Variants in NAV2 observed in about 807,000 individuals in gnomAD.
NAV2 encodes helicase, APC down-regulated 1.
Under a neutral mutation model 223.2 loss-of-function variants are expected in NAV2, and 54 were observed. The observed-to-expected ratio is 0.24, with a 90% CI of 0.19 to 0.30. NAV2 has a LOEUF of 0.30. Ranked by LOEUF, NAV2 falls within the 10% of genes least tolerant of loss-of-function variation. NAV2 has a pLI of 1.00. For synonymous variants in NAV2, 1,279 were observed against 1,239.3 expected (o/e 1.03, Z -0.67); for missense variants, 2,806 against 3,147.5 (o/e 0.89, Z 2.60).
chr11:19,931,387 C>T (rs968227698), intron 6 of NAV2, among the ~76,000 whole-genome samples: 14 of 152,164 alleles, frequency 9.2e-5, no homozygotes, highest in African/African-American at 2.9e-4. Context: ...GGGAGGTCTG[C>T]TTTGGATCAC....
At chr11:19,594,422 C>T (rs536354583) in intron 1 of NAV2, among the ~76,000 whole-genome samples, 96 of 149,572 alleles carry the variant, frequency 6.4e-4, no homozygotes, top group African/African-American at 2.2e-3. Flanking sequence ...GTTTCTACTT[C>T]GGGGACTTTT....
chr11:20,016,160 T>C (rs1048658806), intron 11 of NAV2, among the ~76,000 whole-genome samples: 12 of 152,246 alleles, frequency 7.9e-5, no homozygotes, highest in Admixed American at 1.3e-4. Context: ...CGACCTCTTA[T>C]GTCCTTTACT....
intron 1 of NAV2, among the ~76,000 whole-genome samples, chr11:19,678,572 A>T (rs184624114): frequency 2.2e-3 from 342 of 152,344 alleles, no homozygotes; most frequent in Middle Eastern, 3.4e-3. Flanking sequence ...ATGGGAGAGC[A>T]AGAAACATCA....
intron 1 of NAV2, among the ~76,000 whole-genome samples, chr11:19,643,950 G>A (rs997800959): frequency 5.9e-5 from 9 of 152,206 alleles, no homozygotes; most frequent in Non-Finnish European, 1.0e-4. Context: ...ATTTGAGCAC[G>A]TACATACCAG....
chr11:19,992,944 T>C (rs2051486092), intron 11 of NAV2, among the ~76,000 whole-genome samples: 1 of 152,164 alleles, frequency 6.6e-6, no homozygotes, highest in Admixed American at 6.5e-5. Flanking sequence ...TTAAAGGTGA[T>C]TGTTTAAACT....
chr11:19,860,293 A>C (rs1278637817), intron 3 of NAV2, among the ~76,000 whole-genome samples: 122 of 128,278 alleles, frequency 9.5e-4, no homozygotes, highest in African/African-American at 3.5e-3. Flanking sequence ...TGCCGGGCGG[A>C]GGGGCTCCTC....
At chr11:19,520,140 T>C (rs994637731) in intron 1 of NAV2, among the ~76,000 whole-genome samples, 1 of 152,078 alleles carries the variant, frequency 6.6e-6, no homozygotes, top group African/African-American at 2.4e-5. Flanking sequence ...AGCTCCACTC[T>C]CCTCCACGCT....
intron 1 of NAV2, among the ~76,000 whole-genome samples, chr11:19,620,888 G>T (rs1406557954): frequency 6.6e-6 from 1 of 152,144 alleles, no homozygotes; most frequent in Non-Finnish European, 1.5e-5. Flanking sequence ...TGTGATATTG[G>T]CTGTGGGTTT....
At chr11:19,997,982 A>T (rs777277734) in intron 11 of NAV2, among the ~76,000 whole-genome samples, 1 of 152,082 alleles carries the variant, frequency 6.6e-6, no homozygotes, top group South Asian at 2.1e-4. Context: ...GTAGCCCTTA[A>T]CATGCCTTTG....
chr11:19,976,456 G>A (rs1285543711), intron 10 of NAV2, among the ~76,000 whole-genome samples: 2 of 152,162 alleles, frequency 1.3e-5, no homozygotes, highest in Admixed American at 1.3e-4. Flanking sequence ...AGTTTTCCCT[G>A]GCGAGGCTGG....
intron 6 of NAV2, among the ~76,000 whole-genome samples, chr11:19,915,275 T>C (rs192861879): frequency 6.1e-4 from 93 of 152,374 alleles, no homozygotes; most frequent in Non-Finnish European, 1.1e-3. Context: ...TCAGAAGTTA[T>C]CTCATTTTCG....
chr11:20,046,785 G>C (rs1222807844), intron 14 of NAV2, among the ~76,000 whole-genome samples: 3 of 152,108 alleles, frequency 2.0e-5, no homozygotes, highest in East Asian at 3.8e-4. Context: ...GCTTTTGCCT[G>C]TTCGTATTAT....
intron 11 of NAV2, among the ~76,000 whole-genome samples, chr11:20,005,957 G>C (rs2053030123): frequency 6.6e-6 from 1 of 152,178 alleles, no homozygotes; most frequent in African/African-American, 2.4e-5. Flanking sequence ...TCATTTTAAA[G>C]ATGAGGGAAC....
chr11:19,814,901 C>A (rs1380804352), intron 1 of NAV2, among the ~76,000 whole-genome samples: 10 of 152,194 alleles, frequency 6.6e-5, no homozygotes, highest in Non-Finnish European at 1.3e-4. Context: ...ACCTATCTAA[C>A]CCAACTTCCT....
chr11:19,492,119 G>C (rs1272863485), intron 1 of NAV2, among the ~76,000 whole-genome samples: 2 of 152,158 alleles, frequency 1.3e-5, no homozygotes. Flanking sequence ...ACAGATCACT[G>C]ATCATTGGTC....
intron 1 of NAV2, among the ~76,000 whole-genome samples, chr11:19,757,342 G>A (rs1415034678): frequency 3.3e-5 from 5 of 152,080 alleles, no homozygotes; most frequent in African/African-American, 1.2e-4. Context: ...TTTAGCAGGA[G>A]TACTCAAGCA....
intron 10 of NAV2, among the ~76,000 whole-genome samples, chr11:19,955,411 A>C (rs2153386802): frequency 6.6e-6 from 1 of 152,102 alleles, no homozygotes; most frequent in African/African-American, 2.4e-5. Flanking sequence ...ATGTCAAATG[A>C]ATGCTACAAC....
Position 19,698,594 on chromosome 11 carries a change from C to A in NAV2, c.76-133890C>A, listed in dbSNP as rs192667272. ...GAAAAGTTCAGCTCCAGCTTGGCCACGGCCACCCATAGCCTTTGCTCTGAT... is the reference window on the plus strand; with the variant it reads ...GAAAAGTTCAGCTCCAGCTTGGCCAAGGCCACCCATAGCCTTTGCTCTGAT... On this transcript the variant is annotated intron_variant, in intron 1 of 37. Coordinates refer to the NAV2 transcript ENST00000360655. Among the ~76,000 whole-genome samples, 4 of 152,360 alleles carry A rather than the reference C, an allele frequency of 2.6e-5. No homozygotes were observed. The East Asian group carries it at 7.7e-4, about 29-fold the overall frequency.
intron 1 of NAV2, among the ~76,000 whole-genome samples, chr11:19,512,047 A>G (rs2043295154): frequency 6.6e-6 from 1 of 152,216 alleles, no homozygotes; most frequent in African/African-American, 2.4e-5. Flanking sequence ...TTTGTACCCC[A>G]GCCCAGTCTT....
Sources: gnomAD v4.1 joint callset for allele counts (sites outside exome capture counted in the v4.1 genomes callset) on GRCh38, gnomAD v4.1.1 for gene constraint, MANE v1.5 for transcripts, NCBI Gene and HGNC (gene_info 2026-07-23, HGNC 2026-07-21) for gene names.